KPNB1: variants seen among roughly 807,000 people sequenced by gnomAD.
KPNB1 encodes importin subunit beta-1.
In KPNB1, 7 loss-of-function variants were observed where a neutral mutation model predicts 113.0. That is an observed-to-expected ratio of 0.06 (90% CI 0.04 to 0.12). KPNB1 has a LOEUF of 0.12. KPNB1 is among the 10% of genes least tolerant of loss of function. The pLI, the probability that KPNB1 is intolerant of heterozygous loss-of-function variation, is 1.00. For synonymous variants in KPNB1, 363 were observed against 378.6 expected, an observed-to-expected ratio of 0.96 and a Z score of 0.48; for missense variants, 400 against 1,054.8, an observed-to-expected ratio of 0.38 and a Z score of 8.60.
At chr17:47,668,518 ATCTCTAGATAC>A in intron 10 of KPNB1, 108 bp downstream of exon 10, 1 of 818,660 alleles carries the variant, frequency 1.2e-6, no homozygotes. Flanking sequence ...TACAAAGATT[ATCTCTAGATAC>A]TTGTTTACTT....
intron 14 of KPNB1, among the ~76,000 whole-genome samples, chr17:47,674,326 A>G (rs2030533841): frequency 6.6e-6 from 1 of 152,244 alleles, no homozygotes; most frequent in African/African-American, 2.4e-5. Flanking sequence ...TTTAACTATC[A>G]TTCCAGTAAG....
At chr17:47,665,019 G>T (rs1311075713) in intron 8 of KPNB1, 38 bp from the exon 9 acceptor site, 1 of 1,509,708 alleles carries the variant, frequency 6.6e-7, no homozygotes, top group African/African-American at 1.4e-5. Context: ...TACAGAGCTC[G>T]GTTGCTTTTG....
chr17:47,650,019 C>G lies in KPNB1; in HGVS notation c.-226C>G. 1 of 1,369,944 alleles carries G rather than the reference C, an allele frequency of 7.3e-7. No homozygotes were observed. Among genetic ancestry groups the G allele is most frequent in the Non-Finnish European group, 9.4e-7 (1 of 1,067,950 alleles). The allele number at this position is 1,369,944 out of a possible 1,614,324, so 84.9% of individuals were successfully genotyped here. ...TCTGAGCTGCCCCCAGGGTCCCTCC[C>G]CCGCCGCCAGCAGCCCATTTGGAGG... On this transcript the variant is annotated 5_prime_UTR_variant, in exon 1 of 22. Coordinates refer to ENST00000290158, the MANE Select transcript of KPNB1 (RefSeq NM_002265.6).
intron 15 of KPNB1, among the ~76,000 whole-genome samples, 153 bp downstream of exon 15, chr17:47,674,935 G>T (rs1250812099): frequency 1.3e-5 from 2 of 152,180 alleles, no homozygotes; most frequent in African/African-American, 4.8e-5. Context: ...TTCCACTTCA[G>T]TGCCCCCACA....
In KPNB1 at chr17:47,650,297, A is replaced by C; in HGVS notation, c.40+13A>C. ...ACCGTGTCTCCCGGTAGGACGCAGG[A>C]GCCGGGGGTAGGGCTGAGGTGATTG... On this transcript the variant is annotated intron_variant, in intron 1 of 21. Coordinates refer to ENST00000290158, the MANE Select transcript of KPNB1 (RefSeq NM_002265.6). 1 of 1,605,588 alleles carries C rather than the reference A, an allele frequency of 6.2e-7. No homozygotes were observed. The highest frequency in any genetic ancestry group is 8.5e-7 in the Non-Finnish European group (1 of 1,175,708).
intron 12 of KPNB1, 40 bp downstream of exon 12, chr17:47,670,872 C>G (rs1297689780): frequency 1.3e-6 from 2 of 1,565,902 alleles, no homozygotes; most frequent in Non-Finnish European, 8.8e-7. Flanking sequence ...GTCTTTGCAT[C>G]CAAGTTCTAT....
In KPNB1 at chr17:47,680,051, A is replaced by G; in HGVS notation, c.2385A>G (p.Glu795=). ...PDVMLVQPRV[E]FILSFIDHIA... The stretch of plus-strand genomic sequence containing the variant: ...TGATGCTGGTACAACCCAGAGTAGA[A>G]TTTATTCTGTCTTTCATTGACCACA... Residue 795 remains glutamate (E), a synonymous_variant, in exon 20 of 22, where the codon GAA becomes GAG. Coordinates refer to ENST00000290158, the MANE Select transcript of KPNB1 (RefSeq NM_002265.6). The G allele has an allele frequency of 6.2e-7, 1 of 1,613,744 alleles. No individual in the cohort carries two copies. The highest frequency in any genetic ancestry group is 8.5e-7 in the Non-Finnish European group (1 of 1,179,668).
intron 14 of KPNB1, 33 bp downstream of exon 14, chr17:47,673,594 G>A (rs774485491): frequency 2.1e-5 from 31 of 1,502,438 alleles, no homozygotes; most frequent in Non-Finnish European, 2.9e-5. Context: ...AATAACTCCA[G>A]GTTGGAGAAT....
At chr17:47,675,361 GTTTTTTT>G (rs1166648701) in intron 15 of KPNB1, among the ~76,000 whole-genome samples, 1 of 88,690 alleles carries the variant, frequency 1.1e-5, no homozygotes, top group East Asian at 2.9e-4. Context: ...CAGAGGTGTT[GTTTTTTT>G]TTTGTTTTTT....
rs547724504 is a variant in KPNB1, at chr17:47,684,475, C to G, written c.*2071C>G. 6.6e-6 allele frequency: 1 copy of G among 151,944 alleles called. No individual in the cohort carries two copies. Among genetic ancestry groups the G allele is most frequent in the Non-Finnish European group, 1.5e-5 (1 of 67,960 alleles). The allele number at this position is 151,944 out of a possible 1,614,324, so 9.4% of individuals were successfully genotyped here. ...ATGCCTTGTTTCCATTTCAGTTGTTCTTTGAGAGACAGAATGATGTACTAA... is the reference window on the plus strand; with the variant it reads ...ATGCCTTGTTTCCATTTCAGTTGTTGTTTGAGAGACAGAATGATGTACTAA... On this transcript the variant is annotated 3_prime_UTR_variant, in exon 22 of 22. Transcript: ENST00000290158.
chr17:47,668,965 CAAAAA>C (rs1166556330), intron 10 of KPNB1, among the ~76,000 whole-genome samples: 2 of 129,014 alleles, frequency 1.6e-5, no homozygotes, highest in Non-Finnish European at 3.3e-5. Context: ...AACTCTATCT[CAAAAA>C]AAAAAAAAAG....
intron 3 of KPNB1, among the ~76,000 whole-genome samples, chr17:47,654,280 C>T (rs1915658335): frequency 6.6e-6 from 1 of 152,006 alleles, no homozygotes; most frequent in Admixed American, 6.5e-5. Context: ...CTGGCTGTGG[C>T]GGTGGATACC....
chr17:47,678,023 C>G, intron 17 of KPNB1, 23 bp from the exon 18 acceptor site: 1 of 1,602,904 alleles, frequency 6.2e-7, no homozygotes, highest in Non-Finnish European at 8.5e-7. Flanking sequence ...ACTTAATTCA[C>G]TTTTCCTTTT....
At chr17:47,659,298 G>A (rs1280067881) in intron 5 of KPNB1, among the ~76,000 whole-genome samples, 3 of 152,062 alleles carry the variant, frequency 2.0e-5, no homozygotes, top group East Asian at 1.9e-4. Context: ...GCAGTGAGCC[G>A]AGATTGCAGC....
chr17:47,667,493 C>G (rs1488211077), intron 9 of KPNB1, among the ~76,000 whole-genome samples: 2 of 151,552 alleles, frequency 1.3e-5, no homozygotes. Flanking sequence ...CCTTACTTTC[C>G]TGGTCTTTTA....
At chr17:47,659,914 A>G (rs1335382151) in intron 5 of KPNB1, among the ~76,000 whole-genome samples, 1 of 151,660 alleles carries the variant, frequency 6.6e-6, no homozygotes, top group African/African-American at 2.4e-5. Flanking sequence ...AAAAAAATAT[A>G]TATATATGTA....
rs190549260 is a variant in KPNB1 at position 47,680,878 on chromosome 17, C to T, written c.2630+209C>T. ...GTGATGGAGAGCAGAACTTTTAAAACTGGAATTCACTGAAATTCCCTGAGT... is the reference window on the plus strand; with the variant it reads ...GTGATGGAGAGCAGAACTTTTAAAATTGGAATTCACTGAAATTCCCTGAGT... On this transcript the variant is annotated intron_variant, in intron 21 of 21. Coordinates refer to ENST00000290158, the MANE Select transcript of KPNB1 (RefSeq NM_002265.6). Among the ~76,000 whole-genome samples, 32 of 152,342 alleles carry T rather than the reference C, an allele frequency of 2.1e-4. No individual in the cohort carries two copies. The East Asian group carries it at 5.4e-3, about 26-fold the overall frequency.
intron 5 of KPNB1, 68 bp downstream of exon 5, chr17:47,658,728 T>C (rs2029986909): frequency 7.1e-6 from 10 of 1,417,816 alleles, no homozygotes. Context: ...GAAAGTTTTT[T>C]GTTTTGTTTT....
chr17:47,669,838 C>G lies in KPNB1; in HGVS notation c.1385C>G (p.Ala462Gly). The change falls in exon 11 of 22, where the codon GCT becomes GGT. Residue 462 changes from alanine (A) to glycine (G), a missense_variant. Transcript: ENST00000290158. ...LLQCLIEGLS[A>G]EPRVASNVCW... ...CAGTGTCTGATTGAGGGTCTCAGTG[C>G]TGAACCCAGAGTGGCTTCAAATGTG... is the stretch of plus-strand genomic sequence containing the variant. The G allele has an allele frequency of 6.2e-7, 1 of 1,611,846 alleles. No homozygotes were observed. Among genetic ancestry groups the G allele is most frequent in the Admixed American group, 1.7e-5 (1 of 59,986 alleles).
Sources: gnomAD v4.1 joint callset for allele counts (sites outside exome capture counted in the v4.1 genomes callset) on GRCh38, gnomAD v4.1.1 for gene constraint, MANE v1.5 for transcripts, NCBI Gene and HGNC (gene_info 2026-07-23, HGNC 2026-07-21) for gene names.